ARL3: variants seen among roughly 807,000 people sequenced by gnomAD.
ARL3 encodes ARF like GTPase 3.
In ARL3, 9 loss-of-function variants were observed where a neutral mutation model predicts 26.0. The observed-to-expected ratio is 0.35, with a 90% CI of 0.21 to 0.60. ARL3 has a LOEUF of 0.60. Among genes scored for constraint, ARL3 ranks in the 20% least tolerant of loss-of-function variants. The pLI is 0.78. For synonymous variants in ARL3, 71 were observed against 78.4 expected, an observed-to-expected ratio of 0.91 and a Z score of 0.50; for missense variants, 158 against 215.7, an observed-to-expected ratio of 0.73 and a Z score of 1.67.
intron 4 of ARL3, among the ~76,000 whole-genome samples, chr10:102,687,345 A>T (rs1240360867): frequency 1.3e-5 from 2 of 151,566 alleles, no homozygotes; most frequent in South Asian, 2.1e-4. Flanking sequence ...GCAATGCTTA[A>T]CTTAGCCTCC....
chr10:102,699,507 AC>A lies in ARL3; in HGVS notation c.148-19del, dbSNP rs2064266727. 7.0e-7 allele frequency: 1 copy of A among 1,421,716 alleles called. No homozygotes were observed. Among genetic ancestry groups the A allele is most frequent in the Middle Eastern group, 1.8e-4 (1 of 5,668 alleles). The allele number at this position is 1,421,716 out of a possible 1,614,324, so 88.1% of individuals were successfully genotyped here. A position where few individuals can be genotyped will look rare whatever the true frequency, so the allele number is the denominator to read the frequency against. On this transcript the variant is annotated intron_variant, in intron 2 of 5. Transcript: ENST00000260746. ...TTGAAACCCTGAAACAGGGACAAAA[AC>A]ATCAAGTTTTATTAAACTTTGGGAT...
chr10:102,686,101 T>G (rs1341956759), intron 4 of ARL3, 100 bp from the exon 5 acceptor site: 8 of 981,566 alleles, frequency 8.2e-6, no homozygotes, highest in African/African-American at 1.7e-5. Context: ...AGACAGAGTC[T>G]CACTCTGTCA....
chr10:102,685,870 G>A lies in ARL3; in HGVS notation c.447C>T (p.Arg149=), dbSNP rs746743719. ...AAGACTGGATCTGCCAGACTCGGTC[G>A]CGGATGGTATGCAGGTTCAGTCCTT... ...IAEGLNLHTI[R]DRVWQIQSCS... is the part of the protein sequence containing the mutation. The change falls in exon 5 of 6, where the codon CGC becomes CGT. Residue 149 remains arginine, a synonymous_variant. Transcript: ENST00000260746. The A allele has an allele frequency of 1.5e-5, 25 of 1,613,958 alleles. No individual in the cohort carries two copies. The East Asian group carries it at 3.8e-4, about 24-fold the overall frequency.
intron 5 of ARL3, among the ~76,000 whole-genome samples, chr10:102,679,090 C>T (rs545974236): frequency 2.0e-5 from 3 of 152,282 alleles, no homozygotes; most frequent in African/African-American, 7.2e-5. Flanking sequence ...TAATCTGAAG[C>T]GGCTAGTGCT....
At chr10:102,709,646 C>A (rs1564734489) in intron 1 of ARL3, among the ~76,000 whole-genome samples, 17 of 85,198 alleles carry the variant, frequency 2.0e-4, no homozygotes, top group Admixed American at 2.7e-4. Context: ...GACTCTGTCT[C>A]AAAAAAAAAA....
chr10:102,695,166 A>G (rs1011414155), intron 3 of ARL3, among the ~76,000 whole-genome samples: 1 of 152,236 alleles, frequency 6.6e-6, no homozygotes, highest in African/African-American at 2.4e-5. Context: ...ATATCCCCAA[A>G]GTAACTTGCT....
intron 3 of ARL3, among the ~76,000 whole-genome samples, 155 bp downstream of exon 3, chr10:102,699,218 C>T (rs1013537963): frequency 3.9e-5 from 6 of 152,172 alleles, no homozygotes; most frequent in African/African-American, 1.4e-4. Flanking sequence ...AGATGTTTTT[C>T]CTTTATAATC....
At chr10:102,713,021 A>ACTCACTGG (rs2064354080) in intron 1 of ARL3, among the ~76,000 whole-genome samples, 1 of 147,516 alleles carries the variant, frequency 6.8e-6, no homozygotes, top group Admixed American at 6.8e-5. Context: ...TTCTAAATCT[A>ACTCACTGG]CTCACTGGAT....
chr10:102,705,566 C>G (rs2064305609), intron 1 of ARL3, 77 bp from the exon 2 acceptor site: 1 of 1,357,868 alleles, frequency 7.4e-7, no homozygotes, highest in East Asian at 2.6e-5. Flanking sequence ...AATAACTTCT[C>G]CTTGAAAAAA....
chr10:102,708,685 C>T (rs911937000), intron 1 of ARL3, among the ~76,000 whole-genome samples: 5 of 151,640 alleles, frequency 3.3e-5, no homozygotes, highest in South Asian at 2.1e-4. Flanking sequence ...GGCGAAATCC[C>T]GTATCTACTA....
At chr10:102,705,319 G>T in intron 2 of ARL3, 27 bp downstream of exon 2, 2 of 1,525,164 alleles carry the variant, frequency 1.3e-6, no homozygotes, top group South Asian at 1.2e-5. Flanking sequence ...TGTGTCACAC[G>T]GCATCTGGAG....
At chr10:102,694,557 T>C (rs983199314) in intron 3 of ARL3, among the ~76,000 whole-genome samples, 4 of 152,066 alleles carry the variant, frequency 2.6e-5, no homozygotes, top group African/African-American at 9.7e-5. Flanking sequence ...TGCATGTCGA[T>C]GTCCCATTAT....
At chr10:102,686,138 C>T in intron 4 of ARL3, 137 bp from the exon 5 acceptor site, 1 of 683,308 alleles carries the variant, frequency 1.5e-6, no homozygotes, top group Non-Finnish European at 2.3e-6. Flanking sequence ...ATGGCGTGAT[C>T]TCGGCTCACT....
chr10:102,694,907 T>C (rs913148344), intron 3 of ARL3, among the ~76,000 whole-genome samples: 2 of 152,222 alleles, frequency 1.3e-5, no homozygotes, highest in Non-Finnish European at 2.9e-5. Context: ...TTAATACAGA[T>C]GGGGTTTCAC....
At chr10:102,686,289 C>T (rs2064185129) in intron 4 of ARL3, among the ~76,000 whole-genome samples, 1 of 151,760 alleles carries the variant, frequency 6.6e-6, no homozygotes, top group African/African-American at 2.4e-5. Flanking sequence ...GCAGGCTGGT[C>T]TAGAACTGCA....
intron 3 of ARL3, among the ~76,000 whole-genome samples, chr10:102,697,158 T>C (rs1457971336): frequency 1.3e-5 from 2 of 152,088 alleles, no homozygotes; most frequent in Admixed American, 6.6e-5. Flanking sequence ...CTAGGTAATA[T>C]AAATTTTTCA....
intron 2 of ARL3, among the ~76,000 whole-genome samples, chr10:102,701,979 T>A (rs954058100): frequency 6.8e-6 from 1 of 147,704 alleles, no homozygotes; most frequent in African/African-American, 2.5e-5. Context: ...GCCCAGGAGT[T>A]CAAGGCCAGC....
At chr10:102,698,285 G>A (rs993913687) in intron 3 of ARL3, among the ~76,000 whole-genome samples, 5 of 151,756 alleles carry the variant, frequency 3.3e-5, no homozygotes, top group Admixed American at 2.6e-4. Context: ...TGGGCTCACT[G>A]CAACCTCCGC....
chr10:102,682,247 A>G (rs6584517), intron 5 of ARL3, among the ~76,000 whole-genome samples: 151,972 of 152,216 alleles, frequency 1, 75,864 homozygotes, highest in East Asian at 1. Flanking sequence ...CTCTTGGCAC[A>G]ACAGAGTTTC....
Sources: allele counts gnomAD v4.1 joint callset (sites outside exome capture counted in the v4.1 genomes callset), GRCh38; gene constraint gnomAD v4.1.1; transcripts MANE v1.5; gene names NCBI Gene and HGNC (gene_info 2026-07-23, HGNC 2026-07-21).